Variants in L3MBTL4 observed in about 807,000 individuals in gnomAD.
L3MBTL4 encodes L3MBTL histone methyl-lysine binding protein 4, also known as lethal(3)malignant brain tumor-like protein 4.
L3MBTL4 carries 70 observed loss-of-function variants against 84.5 expected under a neutral mutation model. The ratio of observed to expected loss-of-function variants is 0.83; its 90% CI spans 0.68 to 1.01. The LOEUF (loss-of-function observed/expected upper bound fraction) is 1.01, where lower values mean the gene tolerates loss of function less well. Ranked by LOEUF, L3MBTL4 falls within the 50% of genes least tolerant of loss-of-function variation. L3MBTL4 has a pLI of 0.00. For missense variants in L3MBTL4, 715 were observed against 754.8 expected (o/e 0.95, Z 0.62); for synonymous variants, 274 against 259.8 (o/e 1.05, Z -0.52).
At chr18:6,295,517 A>G (rs1336623284) in intron 4 of L3MBTL4, among the ~76,000 whole-genome samples, 1 of 152,014 alleles carries the variant, frequency 6.6e-6, no homozygotes, top group African/African-American at 2.4e-5. Flanking sequence ...GAATTCACCC[A>G]AAAGAGACAG....
chr18:6,181,625 C>T (rs534448857), intron 12 of L3MBTL4, among the ~76,000 whole-genome samples: 12 of 152,236 alleles, frequency 7.9e-5, no homozygotes, highest in African/African-American at 2.4e-4. Context: ...CCACCACACC[C>T]GGCCATGCTG....
chr18:5,982,813 C>G (rs1257122789), intron 16 of L3MBTL4, among the ~76,000 whole-genome samples: 1 of 152,128 alleles, frequency 6.6e-6, no homozygotes, highest in African/African-American at 2.4e-5. Context: ...AATTAATTTA[C>G]TATGTTTTCC....
chr18:6,398,477 C>T (rs757748173), intron 1 of L3MBTL4, among the ~76,000 whole-genome samples: 11 of 152,240 alleles, frequency 7.2e-5, no homozygotes, highest in East Asian at 1.9e-4. Flanking sequence ...CCTGGGATCA[C>T]GTCAGGCATA....
At chr18:5,957,014 T>C (rs982831843) in intron 18 of L3MBTL4, among the ~76,000 whole-genome samples, 6 of 152,250 alleles carry the variant, frequency 3.9e-5, no homozygotes, top group African/African-American at 7.2e-5. Flanking sequence ...TGTATACATA[T>C]GCATATTTAA....
chr18:6,052,477 A>G (rs1439156777), intron 16 of L3MBTL4, among the ~76,000 whole-genome samples: 1 of 152,256 alleles, frequency 6.6e-6, no homozygotes, highest in Non-Finnish European at 1.5e-5. Flanking sequence ...TGTAATAACT[A>G]TGAATCAGTA....
intron 16 of L3MBTL4, among the ~76,000 whole-genome samples, chr18:5,972,907 T>G (rs759949977): frequency 0.025 from 386 of 15,672 alleles, 19 homozygotes; most frequent in East Asian, 0.14. Context: ...TAGAATAGAA[T>G]AGAATAGAAT....
chr18:6,263,059 G>C (rs985210669), intron 5 of L3MBTL4, among the ~76,000 whole-genome samples: 9 of 152,236 alleles, frequency 5.9e-5, no homozygotes, highest in African/African-American at 2.2e-4. Context: ...CGGATCATGA[G>C]GTCAGGAGAT....
chr18:6,337,237 A>G (rs761666332), intron 1 of L3MBTL4, among the ~76,000 whole-genome samples: 13 of 152,182 alleles, frequency 8.5e-5, no homozygotes, highest in Non-Finnish European at 1.3e-4. Context: ...AAAAATGCCA[A>G]AAATGTTCCA....
chr18:6,094,766 G>A (rs2058575996), intron 14 of L3MBTL4, among the ~76,000 whole-genome samples: 1 of 151,978 alleles, frequency 6.6e-6, no homozygotes, highest in Non-Finnish European at 1.5e-5. Context: ...ATCTTCTGGA[G>A]AAGGCCATAT....
At chr18:5,996,216 C>T (rs1207957750) in intron 16 of L3MBTL4, among the ~76,000 whole-genome samples, 2 of 152,164 alleles carry the variant, frequency 1.3e-5, no homozygotes, top group Non-Finnish European at 2.9e-5. Context: ...CGTTCTGGAA[C>T]AGTGGTTGGC....
intron 1 of L3MBTL4, among the ~76,000 whole-genome samples, chr18:6,387,871 G>T (rs992583080): frequency 5.9e-5 from 9 of 152,232 alleles, no homozygotes; most frequent in African/African-American, 2.2e-4. Flanking sequence ...AGCAGAAGTA[G>T]TATAAATAAA....
intron 14 of L3MBTL4, among the ~76,000 whole-genome samples, chr18:6,133,333 T>TCACACACACA (rs71699994): frequency 1.0e-4 from 15 of 146,788 alleles, no homozygotes; most frequent in African/African-American, 3.3e-4. Context: ...CAGCTCTAGA[T>TCACACACACA]CACACACACA....
At chr18:5,976,802 G>A (rs979332888) in intron 16 of L3MBTL4, among the ~76,000 whole-genome samples, 1 of 152,158 alleles carries the variant, frequency 6.6e-6, no homozygotes, top group African/African-American at 2.4e-5. Context: ...CAAAAGCAAA[G>A]AATGACTTTC....
chr18:6,305,792 C>G (rs890995180), intron 3 of L3MBTL4, among the ~76,000 whole-genome samples: 2 of 152,206 alleles, frequency 1.3e-5, no homozygotes, highest in Non-Finnish European at 2.9e-5. Context: ...CCTGCTGGCA[C>G]TGGACGCATC....
At chr18:6,247,118 T>G (rs1045120995) in intron 5 of L3MBTL4, among the ~76,000 whole-genome samples, 1 of 152,206 alleles carries the variant, frequency 6.6e-6, no homozygotes, top group African/African-American at 2.4e-5. Context: ...CTTAACATTT[T>G]GAAGGCCCTT....
chr18:6,138,557 CT>C (rs940906202), intron 13 of L3MBTL4, among the ~76,000 whole-genome samples: 1 of 152,036 alleles, frequency 6.6e-6, no homozygotes, highest in Non-Finnish European at 1.5e-5. Context: ...TGAAGAATTT[CT>C]TTTTTTATTT....
intron 12 of L3MBTL4, among the ~76,000 whole-genome samples, chr18:6,201,526 T>A (rs1179552558): frequency 6.6e-6 from 1 of 152,066 alleles, no homozygotes; most frequent in Non-Finnish European, 1.5e-5. Flanking sequence ...TGAAGGCAAA[T>A]CTCTCAGAAT....
At chr18:6,052,077 T>G (rs1185551325) in intron 16 of L3MBTL4, among the ~76,000 whole-genome samples, 1 of 152,202 alleles carries the variant, frequency 6.6e-6, no homozygotes, top group Non-Finnish European at 1.5e-5. Context: ...ACATTTCTAC[T>G]TTAGAAATGG....
chr18:5,975,663 C>T (rs952431346), intron 16 of L3MBTL4, among the ~76,000 whole-genome samples: 1 of 152,180 alleles, frequency 6.6e-6, no homozygotes, highest in African/African-American at 2.4e-5. Context: ...TCTACTCATT[C>T]CCCTTCATTT....
Sources: gnomAD v4.1 joint callset for allele counts (sites outside exome capture counted in the v4.1 genomes callset) on GRCh38, gnomAD v4.1.1 for gene constraint, MANE v1.5 for transcripts, NCBI Gene and HGNC (gene_info 2026-07-23, HGNC 2026-07-21) for gene names.